Variants in OVCH2 observed in about 807,000 individuals in gnomAD.
The protein encoded by OVCH2 is ovochymase 2.
In OVCH2, 88 loss-of-function variants were observed where a neutral mutation model predicts 73.7. The observed-to-expected ratio is 1.19, with a 90% confidence interval of 1.01 to 1.43. OVCH2 has a LOEUF of 1.43. Among genes scored for constraint, OVCH2 ranks in the 40% most tolerant of loss-of-function variants. The pLI is 0.00. For missense variants in OVCH2, 706 were observed against 674.5 expected (o/e 1.05, Z -0.52); for synonymous variants, 265 against 234.5 (o/e 1.13, Z -1.19).
In OVCH2 at chr11:7,695,191, G is replaced by T; in HGVS notation, c.1283-3C>A. 6.4e-7 allele frequency: 1 copy of T among 1,552,988 alleles called. No individual in the cohort carries two copies. Among genetic ancestry groups the T allele is most frequent in the Non-Finnish European group, 8.7e-7 (1 of 1,150,846 alleles). ...AGTTAAGTAACTGCAACCTGAATCT[G>T]AAACGTAAGAAAAAGTCCAAACAGA... On this transcript the variant is annotated splice_region_variant and splice_polypyrimidine_tract_variant and intron_variant, in intron 11 of 15. Transcript: ENST00000533663.
Position 7,695,571 on chromosome 11 carries a change from A to G in OVCH2, c.1281T>C (p.Pro427=), listed in dbSNP as rs1364828432. Reference sequence around the variant, plus strand: ...GTGATTAAAAGTAAATGGTTTTACCAGGAATGTAGTTTGGTTTAAGAGCTT... The same window carrying G: ...GTGATTAAAAGTAAATGGTTTTACCGGGAATGTAGTTTGGTTTAAGAGCTT... The part of the protein sequence containing the change: ...TYKALKPNYI[P]DSGCSYLTVL... Residue 427 remains proline (P), a splice_region_variant and synonymous_variant, in exon 11 of 16, where the codon CCT becomes CCC. Coordinates refer to ENST00000533663, the MANE Select transcript of OVCH2 (RefSeq NM_198185.7). 1.2e-6 allele frequency: 2 copies of G among 1,612,290 alleles called. No individual in the cohort carries two copies. The highest frequency in any genetic ancestry group is 1.7e-6 in the Non-Finnish European group (2 of 1,178,684).
rs765643024 is a variant in OVCH2, at chr11:7,698,756, A to G, written c.919T>C (p.Ser307Pro). The change falls in exon 8 of 16, where the codon TCC (serine) becomes CCC (proline). Residue 307 changes from serine (S) to proline (P), a missense_variant. Transcript: ENST00000533663. ...HIQTGNRRKS[S>P]RAWCSEQDVI... ...GCCTGCAAGGGATACCCACCTCTGG[A>G]GCTCTTTCTCCGATTACCTGGGAAA... The G allele has an allele frequency of 1.9e-6, 3 of 1,612,714 alleles. No individual in the cohort carries two copies. The Admixed American group carries it at 5.0e-5, about 27-fold the overall frequency.
intron 12 of OVCH2, among the ~76,000 whole-genome samples, chr11:7,694,341 A>G (rs1224983286): frequency 6.6e-6 from 1 of 152,082 alleles, no homozygotes; most frequent in African/African-American, 2.4e-5. Context: ...CAGGCGTTCA[A>G]AGGCCTCCAT....
At position 7,691,510 on chromosome 11, in the gene OVCH2, C is replaced by T. The variant is rs754991029; in HGVS notation, c.1508-110G>A. The T allele has an allele frequency of 8.0e-5, 107 of 1,336,660 alleles. 1 individual carries two copies. The highest frequency in any genetic ancestry group is 5.7e-4 in the South Asian group (37 of 64,458). 82.8% of individuals were successfully genotyped at this position (1,336,660 alleles called of 1,614,324 possible). A position where few individuals can be genotyped will look rare whatever the true frequency, so the allele number is the denominator to read the frequency against. ...TCCTTCAGGTAATTGTTGAGAAATA[C>T]GCTTTTCACAATTCATTTTCTAAAT... On this transcript the variant is annotated intron_variant, in intron 13 of 15. Coordinates refer to ENST00000533663, the MANE Select transcript of OVCH2 (RefSeq NM_198185.7).
At chr11:7,694,173 A>G (rs1272082494) in intron 12 of OVCH2, among the ~76,000 whole-genome samples, 10 of 152,134 alleles carry the variant, frequency 6.6e-5, no homozygotes, top group African/African-American at 2.4e-4. Context: ...TTATTTTAAA[A>G]GAAAGATCTA....
chr11:7,685,645 G>A (rs79260894), downstream of OVCH2, among the ~76,000 whole-genome samples: 40,735 of 150,558 alleles, frequency 0.27, 7,261 homozygotes, highest in African/African-American at 0.52. Context: ...CCACCCGGTC[G>A]GTGTCCAGCC....
At chr11:7,685,185 C>A (rs1057214144), downstream of OVCH2, among the ~76,000 whole-genome samples, 4 of 151,974 alleles carry the variant, frequency 2.6e-5, no homozygotes, top group African/African-American at 9.7e-5. Context: ...GTGGCAGGGT[C>A]CCCCAGGAGG....
At chr11:7,701,642 A>G in intron 5 of OVCH2, 74 bp downstream of exon 5, 2 of 1,498,738 alleles carry the variant, frequency 1.3e-6, no homozygotes, top group Non-Finnish European at 1.8e-6. Flanking sequence ...AAAATGGATT[A>G]AAAATTCCAT....
At chr11:7,702,907 G>C (rs1359254615) in intron 3 of OVCH2, among the ~76,000 whole-genome samples, 1 of 152,108 alleles carries the variant, frequency 6.6e-6, no homozygotes, top group Non-Finnish European at 1.5e-5. Flanking sequence ...AATTGAAAAA[G>C]GCATGTTTTC....
chr11:7,701,488 G>C lies in OVCH2; in HGVS notation c.560-13C>G. On this transcript the variant is annotated splice_polypyrimidine_tract_variant and intron_variant, in intron 5 of 15. Coordinates refer to ENST00000533663, the MANE Select transcript of OVCH2 (RefSeq NM_198185.7). ...GAGAGGACGCCACCTGAAAAACAGA[G>C]AGATGGAAGCCCCAGCAGGAACTCT... The C allele has an allele frequency of 1.9e-6, 3 of 1,607,266 alleles. No individual in the cohort carries two copies. The highest frequency in any genetic ancestry group is 2.5e-6 in the Non-Finnish European group (3 of 1,177,356).
chr11:7,690,108 T>G (rs1856193664), intron 14 of OVCH2, 95 bp from the exon 15 acceptor site: 1 of 900,856 alleles, frequency 1.1e-6, no homozygotes, highest in African/African-American at 1.7e-5. Flanking sequence ...TTGTTAGAAT[T>G]CTGGGGCACC....
chr11:7,704,738 C>A, intron 1 of OVCH2, 64 bp from the exon 2 acceptor site: 1 of 1,079,490 alleles, frequency 9.3e-7, no homozygotes, highest in Non-Finnish European at 1.4e-6. Flanking sequence ...AATATCTTCT[C>A]CATTTCACCC....
At chr11:7,682,047 A>G in the OVCH2 span, among the ~76,000 whole-genome samples, 3 of 152,202 alleles carry the variant, frequency 2.0e-5, no homozygotes, top group African/African-American at 7.2e-5. Flanking sequence ...AAAACAAGTG[A>G]AAATAGAGCA....
intron 8 of OVCH2, 97 bp downstream of exon 8, chr11:7,698,653 G>T: frequency 7.6e-7 from 1 of 1,323,844 alleles, no homozygotes; most frequent in South Asian, 1.3e-5. Flanking sequence ...TACTGAGCAG[G>T]GAGCGCTCTT....
Position 7,701,831 on chromosome 11 carries a change from A to G in OVCH2, c.464-20T>C, listed in dbSNP as rs78705210. On this transcript the variant is annotated intron_variant, in intron 4 of 15. Coordinates refer to ENST00000533663, the MANE Select transcript of OVCH2 (RefSeq NM_198185.7). The stretch of plus-strand genomic sequence containing the variant: ...AGTGGCCTGAAGAAAAGAGCAAGGT[A>G]GGGCTTGTCTCATTCATGGAGGAGA... 0.012 allele frequency: 18,742 copies of G among 1,587,984 alleles called. 138 individuals are homozygous for G. The highest frequency in any genetic ancestry group is 0.014 in the Non-Finnish European group (16,431 of 1,163,424).
chr11:7,700,368 C>G lies in OVCH2; in HGVS notation c.829G>C (p.Asp277His). The G allele has an allele frequency of 1.2e-6, 2 of 1,613,702 alleles. No homozygotes were observed. Among genetic ancestry groups the G allele is most frequent in the Non-Finnish European group, 1.7e-6 (2 of 1,179,802 alleles). ...RGWRNNVRKSDQGSPGIFTDI... is the reference protein window; with the variant it reads ...RGWRNNVRKSHQGSPGIFTDI... Reference sequence around the variant, plus strand: ...GTGAAGATCCCAGGGGATCCTTGATCACTTTTCCTCACATTGTTTCTCCAG... The same window carrying G: ...GTGAAGATCCCAGGGGATCCTTGATGACTTTTCCTCACATTGTTTCTCCAG... Residue 277 changes from aspartate (D) to histidine (H), a missense_variant, in exon 7 of 16, where the codon GAT becomes CAT. Coordinates refer to ENST00000533663, the MANE Select transcript of OVCH2 (RefSeq NM_198185.7).
At chr11:7,683,651 C>T in the OVCH2 span, among the ~76,000 whole-genome samples, 2 of 152,170 alleles carry the variant, frequency 1.3e-5, no homozygotes, top group Non-Finnish European at 2.9e-5. Flanking sequence ...TTTACCTTAG[C>T]CCATAACATC....
chr11:7,685,485 A>C (rs1856132488), downstream of OVCH2, among the ~76,000 whole-genome samples: 1 of 152,180 alleles, frequency 6.6e-6, no homozygotes, highest in Non-Finnish European at 1.5e-5. Flanking sequence ...TACCTTGCAT[A>C]ATGAGTTTCT....
Position 7,696,557 on chromosome 11 carries a change from T to C in OVCH2, c.1049A>G (p.Glu350Gly). Residue 350 changes from glutamate to glycine, a missense_variant, in exon 10 of 16, where the codon GAA becomes GGA. Coordinates refer to ENST00000533663, the MANE Select transcript of OVCH2 (RefSeq NM_198185.7). ...GGAAAAACTGAGCAACACATGCATT[T>C]CCTCTGGTACCAGCAGGGTCCAGAC... The part of the protein sequence containing the change: ...RCVWTLLVPE[E>G]MHVLLSFSHL... The C allele has an allele frequency of 6.2e-7, 1 of 1,614,006 alleles. No individual in the cohort carries two copies. The highest frequency in any genetic ancestry group is 8.5e-7 in the Non-Finnish European group (1 of 1,179,896).
Sources: allele counts gnomAD v4.1 joint callset (sites outside exome capture counted in the v4.1 genomes callset), GRCh38; gene constraint gnomAD v4.1.1; transcripts MANE v1.5; gene names NCBI Gene and HGNC (gene_info 2026-07-23, HGNC 2026-07-21).